HFE: variants seen among roughly 807,000 people sequenced by gnomAD.
The protein encoded by HFE is homeostatic iron regulator.
A neutral mutation model predicts 40.9 loss-of-function variants in HFE; 36 were observed. That is an observed-to-expected ratio of 0.88 (90% confidence interval 0.67 to 1.16). The LOEUF (loss-of-function observed/expected upper bound fraction) is 1.16. Ranked by LOEUF, HFE falls within the 50% of genes most tolerant of loss-of-function variation. The pLI, the probability that HFE is intolerant of heterozygous loss-of-function variation, is 0.00. For missense variants in HFE, 376 were observed against 432.0 expected (o/e 0.87, Z 1.15); for synonymous variants, 157 against 165.4 (o/e 0.95, Z 0.39).
At chr6:26,087,572 A>G in intron 1 of HFE, 56 bp downstream of exon 1, 1 of 1,477,258 alleles carries the variant, frequency 6.8e-7, no homozygotes, top group Non-Finnish European at 9.4e-7. Flanking sequence ...AAAAATCGAA[A>G]CTAGCTTTTT....
In HFE at chr6:26,091,579, G is replaced by A; in HGVS notation, c.606G>A (p.Leu202=). 3 of 1,612,850 alleles carry A rather than the reference G, an allele frequency of 1.9e-6. No homozygotes were observed. The highest frequency in any genetic ancestry group is 2.5e-6 in the Non-Finnish European group (3 of 1,179,834). Reference sequence around the variant, plus strand: ...TGCTGGAGCTGGGGAGAGGTGTTTTGGACCAACAAGGTATGGTGGAAACAC... The same window carrying A: ...TGCTGGAGCTGGGGAGAGGTGTTTTAGACCAACAAGGTATGGTGGAAACAC... The part of the protein sequence containing the change: ...QQLLELGRGV[L]DQQVPPLVKV... Residue 202 remains leucine (L), a synonymous_variant, in exon 3 of 6, where the codon TTG becomes TTA. Coordinates refer to ENST00000357618, the MANE Select transcript of HFE (RefSeq NM_000410.4).
chr6:26,096,663 A>G lies in HFE; in HGVS notation c.*2437A>G. 1 of 441,384 alleles carries G rather than the reference A, an allele frequency of 2.3e-6. No individual in the cohort carries two copies. The allele number at this position is 441,384 out of a possible 1,614,324, so 27.3% of individuals were successfully genotyped here. A position where few individuals can be genotyped will look rare whatever the true frequency, so the allele number is the denominator to read the frequency against. ...TTGTGGTTAGAAAAGTTATGTAGAA[A>G]AAAGTAAATGTGATTTACGCTCATT... On this transcript the variant is annotated 3_prime_UTR_variant, in exon 6 of 6. Transcript: ENST00000357618.
Position 26,093,226 on chromosome 6 carries a change from G to A in HFE, c.1000G>A (p.Gly334Ser), listed in dbSNP as rs765545512. 3.7e-6 allele frequency: 6 copies of A among 1,609,096 alleles called. No individual in the cohort carries two copies. The South Asian group carries it at 5.5e-5, about 15-fold the overall frequency. ...ILFIILRKRQ[G>S]SRGAMGHYVL... ...GTTCATAATATTAAGGAAGAGGCAG[G>A]GTTCAAGTGAGTAGGAACAAGGGGG... Residue 334 changes from glycine (G) to serine (S), a missense_variant, in exon 5 of 6, where the codon GGT becomes AGT. Physicochemically the swap from Gly to Ser is moderately conservative, Grantham distance 56 (BLOSUM62 0). This residue lies in a region of HFE where 173 missense variants were observed against 186.9 expected (regional missense o/e 0.93). Transcript: ENST00000357618.
rs964081202 is a variant in HFE, at chr6:26,096,721, C to T, written c.*2495C>T. ...AGCTATAAAATGAATACAATTAAAGCTGTTATTTAATTAGCCAGTGAAAAA... is the reference window on the plus strand; with the variant it reads ...AGCTATAAAATGAATACAATTAAAGTTGTTATTTAATTAGCCAGTGAAAAA... On this transcript the variant is annotated 3_prime_UTR_variant, in exon 6 of 6. Coordinates refer to ENST00000357618, the MANE Select transcript of HFE (RefSeq NM_000410.4). 1.6e-5 allele frequency: 6 copies of T among 381,490 alleles called. No homozygotes were observed. The highest frequency in any genetic ancestry group is 3.0e-5 in the Non-Finnish European group (6 of 197,168). The allele number at this position is 381,490 out of a possible 1,614,324, so 23.6% of individuals were successfully genotyped here.
At position 26,095,386 on chromosome 6, in the gene HFE, G is replaced by A. The variant is rs62626260; in HGVS notation, c.*1160G>A. On this transcript the variant is annotated 3_prime_UTR_variant, in exon 6 of 6. Transcript: ENST00000357618. Reference sequence around the variant, plus strand: ...CGCCTGTAGTCCCAGCTACTCGGAAGGCTGAGGCAGGAGAATGGCATGAAC... The same window carrying A: ...CGCCTGTAGTCCCAGCTACTCGGAAAGCTGAGGCAGGAGAATGGCATGAAC... The A allele has an allele frequency of 5.3e-5, 8 of 152,330 alleles. No homozygotes were observed. Among genetic ancestry groups the A allele is most frequent in the Admixed American group, 2.0e-4 (3 of 15,302 alleles). 9.4% of individuals were successfully genotyped at this position (152,330 alleles called of 1,614,324 possible).
rs1432538644 is a variant in HFE at position 26,087,494 on chromosome 6, G to T, written c.54G>T (p.Ala18=). ...ALLLLMLLQT[A]VLQGRLLRSH... The stretch of plus-strand genomic sequence containing the variant: ...TCCTCCTGATGCTTTTGCAGACCGC[G>T]GTCCTGCAGGGGCGCTTGCTGCGTG... The change falls in exon 1 of 6, where the codon GCG becomes GCT. Residue 18 remains alanine, a synonymous_variant. Transcript: ENST00000357618. The T allele has an allele frequency of 6.2e-7, 1 of 1,613,898 alleles. No homozygotes were observed. Among genetic ancestry groups the T allele is most frequent in the Non-Finnish European group, 8.5e-7 (1 of 1,179,856 alleles).
intron 5 of HFE, 95 bp downstream of exon 5, chr6:26,093,327 T>C (rs756401089): frequency 2.9e-5 from 25 of 867,164 alleles, no homozygotes; most frequent in Non-Finnish European, 3.9e-5. Flanking sequence ...GGGAAGCATT[T>C]TTCTCATTTA....
chr6:26,093,531 T>C (rs1762875898), intron 5 of HFE, among the ~76,000 whole-genome samples: 1 of 151,990 alleles, frequency 6.6e-6, no homozygotes, highest in Non-Finnish European at 1.5e-5. Flanking sequence ...GGGAATGAAA[T>C]TGATAGCAAG....
intron 1 of HFE, among the ~76,000 whole-genome samples, chr6:26,089,104 T>TGGGGGGGGGGGGGGGG (rs1762482257): frequency 5.7e-5 from 1 of 17,676 alleles, no homozygotes; most frequent in African/African-American, 4.2e-4. Context: ...CATGTGTGTG[T>TGGGGGGGGGGGGGGGG]GTGTGGGGGG....
rs1581675561 is a variant in HFE at position 26,094,531 on chromosome 6, T to C, written c.*305T>C. On this transcript the variant is annotated 3_prime_UTR_variant, in exon 6 of 6. Transcript: ENST00000357618. ...CCGTCACCTCAGAGACATACACCTA[T>C]GTCATTTCATTTCCTATTTTTGGAA... 1 of 679,392 alleles carries C rather than the reference T, an allele frequency of 1.5e-6. No individual in the cohort carries two copies. The highest frequency in any genetic ancestry group is 1.6e-5 in the South Asian group (1 of 63,544). The allele number at this position is 679,392 out of a possible 1,614,324, so 42.1% of individuals were successfully genotyped here.
chr6:26,090,442 CAAAAAAAAAAA>C lies in HFE; in HGVS notation c.77-380_77-370del, dbSNP rs56267433. Among the ~76,000 whole-genome samples, 215 of 36,734 alleles carry C rather than the reference CAAAAAAAAAAA, an allele frequency of 5.9e-3. 1 individual carries two copies. The highest frequency in any genetic ancestry group is 0.021 in the African/African-American group (197 of 9,276). The allele number at this position is 36,734 out of a possible 152,430, so 24.1% of individuals were successfully genotyped here. ...TGGGTGATAGAGTGAGACTCTGTCT[CAAAAAAAAAAA>C]AAAAAAAAAAAAAAAAAACTGAAGG... On this transcript the variant is annotated intron_variant, in intron 1 of 5. Coordinates refer to ENST00000357618, the MANE Select transcript of HFE (RefSeq NM_000410.4).
rs148161858 is a variant in HFE, at chr6:26,087,508, G to T, written c.68G>T (p.Arg23Leu). The change falls in exon 1 of 6, where the codon CGC (arginine) becomes CTC (leucine). Residue 23 changes from arginine (R) to leucine (L), a missense_variant. Physicochemically the swap from Arg to Leu is moderately radical, Grantham distance 102 (BLOSUM62 -2). Coordinates refer to ENST00000357618, the MANE Select transcript of HFE (RefSeq NM_000410.4). ...TTGCAGACCGCGGTCCTGCAGGGGCGCTTGCTGCGTGAGTCCGAGGGCTGC... is the reference window on the plus strand; with the variant it reads ...TTGCAGACCGCGGTCCTGCAGGGGCTCTTGCTGCGTGAGTCCGAGGGCTGC... ...MLLQTAVLQG[R>L]LLRSHSLHYL... The T allele has an allele frequency of 1.9e-6, 3 of 1,612,784 alleles. No homozygotes were observed. Among genetic ancestry groups the T allele is most frequent in the Non-Finnish European group, 2.5e-6 (3 of 1,179,000 alleles).
intron 5 of HFE, 136 bp from the exon 6 acceptor site, chr6:26,094,050 G>C: frequency 1.2e-6 from 1 of 841,352 alleles, no homozygotes; most frequent in African/African-American, 1.7e-5. Context: ...TTCCAGATGA[G>C]AGATAATGGT....
chr6:26,094,526 A>C lies in HFE; in HGVS notation c.*300A>C. 1 of 680,916 alleles carries C rather than the reference A, an allele frequency of 1.5e-6. No individual in the cohort carries two copies. Among genetic ancestry groups the C allele is most frequent in the Non-Finnish European group, 2.7e-6 (1 of 375,002 alleles). The allele number at this position is 680,916 out of a possible 1,614,324, so 42.2% of individuals were successfully genotyped here. Reference sequence around the variant, plus strand: ...TTCCTCCGTCACCTCAGAGACATACACCTATGTCATTTCATTTCCTATTTT... The same window carrying C: ...TTCCTCCGTCACCTCAGAGACATACCCCTATGTCATTTCATTTCCTATTTT... On this transcript the variant is annotated 3_prime_UTR_variant, in exon 6 of 6. Coordinates refer to ENST00000357618, the MANE Select transcript of HFE (RefSeq NM_000410.4).
intron 1 of HFE, among the ~76,000 whole-genome samples, chr6:26,090,224 T>C (rs13196986): frequency 0.33 from 49,512 of 151,458 alleles, 9,205 homozygotes; most frequent in African/African-American, 0.5. Context: ...AGGTAGATCA[T>C]TTGAGGTCAG....
Position 26,095,286 on chromosome 6 carries a change from G to C in HFE, c.*1060G>C, listed in dbSNP as rs1235139803. The C allele has an allele frequency of 6.6e-6, 1 of 152,144 alleles. No homozygotes were observed. The highest frequency in any genetic ancestry group is 2.4e-5 in the African/African-American group (1 of 41,406). The allele number at this position is 152,144 out of a possible 1,614,324, so 9.4% of individuals were successfully genotyped here. ...GGGTGGATCACGAGGTCAGGAGATC[G>C]AGACCATCCTGGCTAACATGGTGAA... On this transcript the variant is annotated 3_prime_UTR_variant, in exon 6 of 6. Transcript: ENST00000357618.
At position 26,094,384 on chromosome 6, in the gene HFE, A is replaced by G. The variant is rs1762925823; in HGVS notation, c.*158A>G. 1.3e-6 allele frequency: 1 copy of G among 753,490 alleles called. No homozygotes were observed. Among genetic ancestry groups the G allele is most frequent in the Non-Finnish European group, 2.3e-6 (1 of 429,662 alleles). The allele number at this position is 753,490 out of a possible 1,614,324, so 46.7% of individuals were successfully genotyped here. On this transcript the variant is annotated 3_prime_UTR_variant, in exon 6 of 6. Transcript: ENST00000357618. ...TTTAGCCTTCTCTGTTCATTTCCTC[A>G]AAAAGATTTCCCCATTTAGGTTTCT...
rs1296637804 is a variant in HFE at position 26,098,126 on chromosome 6, T to G, written c.*3900T>G. 6.6e-6 allele frequency: 1 copy of G among 152,124 alleles called. No individual in the cohort carries two copies. The highest frequency in any genetic ancestry group is 1.5e-5 in the Non-Finnish European group (1 of 68,038). 9.4% of individuals were successfully genotyped at this position (152,124 alleles called of 1,614,324 possible). A position where few individuals can be genotyped will look rare whatever the true frequency, so the allele number is the denominator to read the frequency against. ...GAATGTTACTACAATATTAAAGTAT[T>G]TTGTATGACAATTTTATTTGAAAGC... is the stretch of plus-strand genomic sequence containing the variant. On this transcript the variant is annotated 3_prime_UTR_variant, in exon 6 of 6. Transcript: ENST00000357618.
chr6:26,089,717 A>T (rs1056267030), intron 1 of HFE, among the ~76,000 whole-genome samples: 1 of 152,168 alleles, frequency 6.6e-6, no homozygotes, highest in African/African-American at 2.4e-5. Context: ...TCCTGAGCTC[A>T]GGAGTTCAAG....
Sources: allele counts gnomAD v4.1 joint callset (sites outside exome capture counted in the v4.1 genomes callset), GRCh38; gene constraint gnomAD v4.1.1; regional missense constraint gnomAD v4.1.1; transcripts MANE v1.5; gene names NCBI Gene and HGNC (gene_info 2026-07-23, HGNC 2026-07-21).